The following GPC3 variants were observed in gnomAD, a reference collection of about 807,000 sequenced individuals.
The protein encoded by GPC3 is glypican-3.
In GPC3, 3 loss-of-function variants were observed where a neutral mutation model predicts 34.4. The ratio of observed to expected loss-of-function variants is 0.09; its 90% CI spans 0.04 to 0.23. The LOEUF is 0.23. Ranked by LOEUF, GPC3 falls within the 10% of genes least tolerant of loss-of-function variation. The pLI, the probability that GPC3 is intolerant of heterozygous loss-of-function variation, is 1.00. For synonymous variants in GPC3, 177 were observed against 174.0 expected (o/e 1.02, Z -0.13); for missense variants, 351 against 445.6 (o/e 0.79, Z 1.91).
At chrX:133,717,281 A>G (rs2071323719) in intron 3 of GPC3, among the ~76,000 whole-genome samples, 1 of 110,977 alleles carries the variant, frequency 9.0e-6, no homozygotes, top group Non-Finnish European at 1.9e-5. Flanking sequence ...TTCTCTTCAG[A>G]AAGTATAAAC....
chrX:133,850,141 ATCTTTAC>A (rs1457021791), intron 2 of GPC3, among the ~76,000 whole-genome samples: 1 of 105,122 alleles, frequency 9.5e-6, no homozygotes, highest in Non-Finnish European at 1.9e-5. Flanking sequence ...AGATATGTTC[ATCTTTAC>A]GATATGACTT....
At chrX:133,545,149 A>G (rs1189380143) in intron 7 of GPC3, among the ~76,000 whole-genome samples, 1 of 111,924 alleles carries the variant, frequency 8.9e-6, no homozygotes, top group African/African-American at 3.3e-5. Context: ...CTGAGGACAG[A>G]GACACTGTAC....
At chrX:133,653,181 CTGT>C (rs751838543) in intron 6 of GPC3, among the ~76,000 whole-genome samples, 9 of 112,151 alleles carry the variant, frequency 8.0e-5, no homozygotes, top group Non-Finnish European at 1.7e-4. Flanking sequence ...TCTAAGATTT[CTGT>C]TATTTTTGCA....
intron 1 of GPC3, among the ~76,000 whole-genome samples, chrX:133,979,894 A>C (rs1241352574): frequency 9.0e-6 from 1 of 111,651 alleles, no homozygotes; most frequent in Non-Finnish European, 1.9e-5. Context: ...ACCCATTTAC[A>C]AGATTGGCTA....
intron 2 of GPC3, among the ~76,000 whole-genome samples, chrX:133,866,254 T>C (rs2075966288): frequency 8.9e-6 from 1 of 112,087 alleles, no homozygotes; most frequent in African/African-American, 3.2e-5. Context: ...TCCCTTTTAG[T>C]GCACAACTGA....
At chrX:133,880,746 T>G (rs756537585) in intron 2 of GPC3, among the ~76,000 whole-genome samples, 1 of 111,818 alleles carries the variant, frequency 8.9e-6, no homozygotes, top group South Asian at 3.8e-4. Flanking sequence ...ACAACAGGAA[T>G]GTGTTTCAGC....
chrX:133,930,497 TTTTA>T (rs2076293641), intron 2 of GPC3, among the ~76,000 whole-genome samples: 5 of 112,721 alleles, frequency 4.4e-5, no homozygotes, highest in African/African-American at 9.7e-5. Flanking sequence ...AGCAGAAATG[TTTTA>T]AAGTATTTAG....
chrX:133,742,337 G>A (rs2071571310), intron 3 of GPC3, among the ~76,000 whole-genome samples: 1 of 111,103 alleles, frequency 9.0e-6, no homozygotes, highest in African/African-American at 3.3e-5. Context: ...CTTAGTGTGG[G>A]GTTTCATCCA....
chrX:133,875,803 C>T (rs970296834), intron 2 of GPC3, among the ~76,000 whole-genome samples: 1 of 111,096 alleles, frequency 9.0e-6, no homozygotes, highest in East Asian at 2.8e-4. Flanking sequence ...TGATGGAACC[C>T]ATCAATCATC....
intron 3 of GPC3, among the ~76,000 whole-genome samples, chrX:133,745,629 T>C (rs762546926): frequency 8.9e-5 from 10 of 112,720 alleles, no homozygotes; most frequent in Non-Finnish European, 1.9e-4. Context: ...TATTTAGATA[T>C]GCCTTCTGCT....
At chrX:133,788,086 TTTTA>T (rs1348506159) in intron 2 of GPC3, among the ~76,000 whole-genome samples, 3 of 40,054 alleles carry the variant, frequency 7.5e-5, no homozygotes, top group African/African-American at 1.2e-4. Flanking sequence ...TATCATATTA[TTTTA>T]TATATATATA....
At chrX:133,772,030 C>T (rs868414306) in intron 2 of GPC3, among the ~76,000 whole-genome samples, 3 of 111,320 alleles carry the variant, frequency 2.7e-5, no homozygotes, top group Non-Finnish European at 5.7e-5. Context: ...TTCCAATATC[C>T]CTCTTTTCCC....
At chrX:133,899,885 C>T in intron 2 of GPC3, among the ~76,000 whole-genome samples, 1 of 111,683 alleles carries the variant, frequency 9.0e-6, no homozygotes, top group Non-Finnish European at 1.9e-5. Context: ...TCACTGCAAC[C>T]TCCACCTCCT....
At chrX:133,830,702 A>C (rs911608028) in intron 2 of GPC3, among the ~76,000 whole-genome samples, 4 of 108,005 alleles carry the variant, frequency 3.7e-5, no homozygotes, top group African/African-American at 1.3e-4. Flanking sequence ...AAAAAAAAAA[A>C]AAAACATACA....
At chrX:133,568,781 G>GA (rs1299106781) in intron 7 of GPC3, among the ~76,000 whole-genome samples, 1 of 110,634 alleles carries the variant, frequency 9.0e-6, no homozygotes, top group African/African-American at 3.3e-5. Context: ...ATTCTAGATA[G>GA]AAAAAAATGG....
At chrX:133,660,016 CA>C (rs199778298) in intron 6 of GPC3, among the ~76,000 whole-genome samples, 1,774 of 111,660 alleles carry the variant, frequency 0.016, 30 homozygotes, top group African/African-American at 0.054. Flanking sequence ...CTTTCACACA[CA>C]AAAATGGCTC....
chrX:133,887,217 G>A (rs2076065544), intron 2 of GPC3, among the ~76,000 whole-genome samples: 1 of 112,224 alleles, frequency 8.9e-6, no homozygotes, highest in Non-Finnish European at 1.9e-5. Context: ...ATGTTGCCCA[G>A]GCTTATCTTC....
chrX:133,580,623 C>T (rs1267840344), intron 7 of GPC3, among the ~76,000 whole-genome samples: 2 of 111,776 alleles, frequency 1.8e-5, no homozygotes, highest in African/African-American at 6.5e-5. Flanking sequence ...ATTTATGAAC[C>T]CACAGGCATG....
chrX:133,584,943 A>C (rs1270521920), intron 7 of GPC3, among the ~76,000 whole-genome samples: 2 of 110,529 alleles, frequency 1.8e-5, no homozygotes, highest in East Asian at 5.7e-4. Flanking sequence ...AAAAAAAAAA[A>C]AAACAAAAAA....
Sources: allele counts gnomAD v4.1 joint callset (sites outside exome capture counted in the v4.1 genomes callset), GRCh38; gene constraint gnomAD v4.1.1; transcripts MANE v1.5; gene names NCBI Gene and HGNC (gene_info 2026-07-23, HGNC 2026-07-21).